SCFD2: variants seen among roughly 807,000 people sequenced by gnomAD.
SCFD2 encodes sec1 family domain containing 2, also known as sec1 family domain-containing protein 2.
A neutral mutation model predicts 58.9 loss-of-function variants in SCFD2; 54 were observed. That is an observed-to-expected ratio of 0.92 (90% confidence interval 0.74 to 1.15). The LOEUF is 1.15. Among genes scored for constraint, SCFD2 ranks in the 50% most tolerant of loss-of-function variants. The pLI, the probability that SCFD2 is intolerant of heterozygous loss-of-function variation, is 0.00. For missense variants in SCFD2, 805 were observed against 836.6 expected, an observed-to-expected ratio of 0.96 and a Z score of 0.47; for synonymous variants, 321 against 335.9, an observed-to-expected ratio of 0.96 and a Z score of 0.49.
At chr4:53,227,485 A>G (rs1166320433) in intron 4 of SCFD2, among the ~76,000 whole-genome samples, 1 of 152,148 alleles carries the variant, frequency 6.6e-6, no homozygotes, top group Non-Finnish European at 1.5e-5. Flanking sequence ...CAAAAATGAG[A>G]ATCTTGGTAT....
At chr4:53,247,691 C>G (rs1730142870) in intron 4 of SCFD2, among the ~76,000 whole-genome samples, 1 of 149,294 alleles carries the variant, frequency 6.7e-6, no homozygotes, top group Non-Finnish European at 1.5e-5. Context: ...AACCCCGTCT[C>G]TACTAAAAAA....
intron 5 of SCFD2, among the ~76,000 whole-genome samples, chr4:53,124,572 G>A (rs564515079): frequency 1.1e-4 from 17 of 152,232 alleles, no homozygotes; most frequent in African/African-American, 3.9e-4. Context: ...TTGGCTTATC[G>A]GGATTAGAGA....
At chr4:53,348,284 GC>G (rs1249324453) in intron 2 of SCFD2, among the ~76,000 whole-genome samples, 1 of 152,160 alleles carries the variant, frequency 6.6e-6, no homozygotes, top group Non-Finnish European at 1.5e-5. Context: ...AAAGCTTACT[GC>G]TTTTTAAAGA....
chr4:53,091,747 G>A (rs62338998), intron 5 of SCFD2, among the ~76,000 whole-genome samples: 13,039 of 152,038 alleles, frequency 0.086, 643 homozygotes, highest in Middle Eastern at 0.17. Flanking sequence ...TTTCTGGGAG[G>A]AGAGATGCAC....
chr4:53,064,514 G>A (rs1220589636), intron 5 of SCFD2, among the ~76,000 whole-genome samples: 1 of 152,104 alleles, frequency 6.6e-6, no homozygotes, highest in African/African-American at 2.4e-5. Context: ...ACTACAGGCA[G>A]CATTACTTAC....
intron 4 of SCFD2, among the ~76,000 whole-genome samples, chr4:53,261,515 T>C (rs969806060): frequency 6.6e-6 from 1 of 152,200 alleles, no homozygotes; most frequent in Non-Finnish European, 1.5e-5. Context: ...TTAATTTCCA[T>C]GTACTTGCAT....
intron 8 of SCFD2, among the ~76,000 whole-genome samples, chr4:52,874,823 C>G (rs374611452): frequency 6.6e-6 from 1 of 152,328 alleles, no homozygotes; most frequent in South Asian, 2.1e-4. Context: ...TGCAAAGATC[C>G]TATTTCCAGT....
chr4:52,945,819 C>CTCTAA (rs1720410453), intron 5 of SCFD2: 1 of 152,084 alleles, frequency 6.6e-6, no homozygotes, highest in African/African-American at 2.4e-5. Flanking sequence ...CTTTTTCTTT[C>CTCTAA]TCTAACCTTT....
intron 5 of SCFD2, among the ~76,000 whole-genome samples, chr4:53,118,114 A>C (rs1725376011): frequency 6.6e-6 from 1 of 152,172 alleles, no homozygotes; most frequent in Non-Finnish European, 1.5e-5. Flanking sequence ...TGTGAGATGG[A>C]CAAACAAAAA....
intron 5 of SCFD2, among the ~76,000 whole-genome samples, chr4:52,940,878 G>C (rs759804653): frequency 2.0e-5 from 3 of 152,148 alleles, no homozygotes; most frequent in Middle Eastern, 3.2e-3. Flanking sequence ...GGGGAGGACT[G>C]GTTAAGACCC....
chr4:53,338,822 C>T lies in SCFD2; in HGVS notation c.1007+13776G>A, dbSNP rs376827931. On this transcript the variant is annotated intron_variant, in intron 2 of 8. Coordinates refer to ENST00000401642, the MANE Select transcript of SCFD2 (RefSeq NM_152540.4). ...GTCTTGATCTCCTGACCTCGTGATC[C>T]GCCCGCCTCGGCCTCCCAAAGTGCT... is the stretch of plus-strand genomic sequence containing the variant. Among the ~76,000 whole-genome samples the T allele has an allele frequency of 8.6e-3, 1,303 of 151,642 alleles. 13 individuals carry two copies. Among genetic ancestry groups the T allele is most frequent in the Middle Eastern group, 0.048 (14 of 292 alleles).
chr4:53,296,238 T>C (rs1455362796), intron 3 of SCFD2, among the ~76,000 whole-genome samples: 1 of 152,220 alleles, frequency 6.6e-6, no homozygotes, highest in African/African-American at 2.4e-5. Context: ...GTAACTGTGG[T>C]AGAATTTGGC....
At chr4:53,213,342 C>T (rs1005204497) in intron 4 of SCFD2, among the ~76,000 whole-genome samples, 3 of 151,996 alleles carry the variant, frequency 2.0e-5, no homozygotes, top group Non-Finnish European at 2.9e-5. Context: ...AAAACAAGAA[C>T]TCGAAAACCT....
chr4:53,298,420 G>T (rs1401219668), intron 3 of SCFD2, among the ~76,000 whole-genome samples: 1 of 152,202 alleles, frequency 6.6e-6, no homozygotes, highest in African/African-American at 2.4e-5. Flanking sequence ...CATAGCTCAG[G>T]CTTGAGTAGG....
chr4:53,208,584 C>T (rs1238038300), intron 4 of SCFD2, among the ~76,000 whole-genome samples: 1 of 152,182 alleles, frequency 6.6e-6, no homozygotes, highest in Non-Finnish European at 1.5e-5. Flanking sequence ...TACCCAATCT[C>T]CTGACTCCTA....
At chr4:53,017,356 T>G (rs777184846) in intron 5 of SCFD2, among the ~76,000 whole-genome samples, 2 of 152,146 alleles carry the variant, frequency 1.3e-5, no homozygotes, top group Non-Finnish European at 2.9e-5. Flanking sequence ...AAAAACAAGT[T>G]AAATGAAAAC....
intron 1 of SCFD2, among the ~76,000 whole-genome samples, chr4:53,360,045 A>G (rs1400453307): frequency 6.6e-6 from 1 of 152,188 alleles, no homozygotes; most frequent in Non-Finnish European, 1.5e-5. Context: ...CCACTGGACA[A>G]CAGTATTTGG....
At chr4:53,316,420 G>C (rs777020265) in intron 2 of SCFD2, among the ~76,000 whole-genome samples, 1 of 152,122 alleles carries the variant, frequency 6.6e-6, no homozygotes, top group Admixed American at 6.5e-5. Flanking sequence ...CTGTGGAGTT[G>C]GAAGTTATAA....
At chr4:53,343,027 C>G (rs945382587) in intron 2 of SCFD2, among the ~76,000 whole-genome samples, 4 of 151,862 alleles carry the variant, frequency 2.6e-5, no homozygotes, top group Non-Finnish European at 4.4e-5. Flanking sequence ...AAATTGACAC[C>G]CTAACATCAC....
Sources: allele counts gnomAD v4.1 joint callset (sites outside exome capture counted in the v4.1 genomes callset), GRCh38; gene constraint gnomAD v4.1.1; transcripts MANE v1.5; gene names NCBI Gene and HGNC (gene_info 2026-07-23, HGNC 2026-07-21).